HYDIN: variants seen among roughly 807,000 people sequenced by gnomAD.
HYDIN encodes HYDIN axonemal central pair apparatus protein, also known as axonemal central pair apparatus protein HYDIN.
Under a neutral mutation model 403.9 loss-of-function variants are expected in HYDIN, and 132 were observed. That is an observed-to-expected ratio of 0.33 (90% CI 0.28 to 0.38). The LOEUF is 0.38. Among genes scored for constraint, HYDIN ranks in the 10% least tolerant of loss-of-function variants. HYDIN has a pLI of 1.00. For synonymous variants in HYDIN, 1,202 were observed against 1,891.7 expected, an observed-to-expected ratio of 0.64 and a Z score of 9.46; for missense variants, 2,827 against 5,009.5, an observed-to-expected ratio of 0.56 and a Z score of 13.15.
At chr16:70,812,496 A>C (rs1597015094) in intron 84 of HYDIN, among the ~76,000 whole-genome samples, 1 of 151,998 alleles carries the variant, frequency 6.6e-6, no homozygotes, top group South Asian at 2.1e-4. Context: ...ACAAACAAAC[A>C]AACCCGAAAT....
chr16:71,180,001 A>T (rs1390070262), intron 3 of HYDIN, among the ~76,000 whole-genome samples: 3 of 152,246 alleles, frequency 2.0e-5, no homozygotes, highest in Non-Finnish European at 4.4e-5. Context: ...AAATAAATCC[A>T]AATAAAGAAA....
rs1007657179 is a variant in HYDIN, at chr16:71,066,636, C to T, written c.2075+654G>A. 18 of 277,728 alleles carry T rather than the reference C, an allele frequency of 6.5e-5. 1 individual carries two copies. In the East Asian group the frequency reaches 6.6e-4, roughly 10 times the overall value. 17.2% of individuals were successfully genotyped at this position (277,728 alleles called of 1,614,324 possible). ...TATTTGGGATCACATCATCATTAGT[C>T]GATGACACCACCACCCTCATCAGCA... On this transcript the variant is annotated intron_variant, in intron 15 of 85. Coordinates refer to ENST00000393567, the MANE Select transcript of HYDIN (RefSeq NM_001270974.2).
intron 42 of HYDIN, among the ~76,000 whole-genome samples, 160 bp downstream of exon 42, chr16:70,943,652 G>A (rs1597380056): frequency 6.6e-6 from 1 of 152,182 alleles, no homozygotes; most frequent in East Asian, 1.9e-4. Context: ...CCGGGCCAGG[G>A]TCAGGGGTCG....
intron 18 of HYDIN, among the ~76,000 whole-genome samples, chr16:71,056,127 G>GTT (rs57845299): frequency 0.25 from 26,852 of 106,050 alleles, 4,293 homozygotes; most frequent in Non-Finnish European, 0.37. Flanking sequence ...TCTGAGATTT[G>GTT]TTTTTTTTTT....
rs1161156870 is a variant in HYDIN, at chr16:70,862,195, C to T, written c.11630G>A (p.Ser3877Asn). The change falls in exon 69 of 86, where the codon AGC (serine) becomes AAC (asparagine). Residue 3877 changes from serine (S) to asparagine (N), a missense_variant. Physicochemically the swap from Ser to Asn is conservative, Grantham distance 46 (BLOSUM62 1). Transcript: ENST00000393567. ...ACCCTCGGCCCAGTGGTCCATGGTGCTGTCCAGGGTGCTGCCTGTATGCAT... is the reference window on the plus strand; with the variant it reads ...ACCCTCGGCCCAGTGGTCCATGGTGTTGTCCAGGGTGCTGCCTGTATGCAT... ...GTMHTGSTLDSTMDHWAEGSP... is the reference protein window; with the variant it reads ...GTMHTGSTLDNTMDHWAEGSP... 1.2e-6 allele frequency: 2 copies of T among 1,613,764 alleles called. No individual in the cohort carries two copies. The highest frequency in any genetic ancestry group is 2.2e-5 in the South Asian group (2 of 90,944).
chr16:70,845,622 G>A (rs2038146482), intron 75 of HYDIN, among the ~76,000 whole-genome samples: 2 of 127,586 alleles, frequency 1.6e-5, no homozygotes, highest in Non-Finnish European at 3.1e-5. Context: ...AATGGTACCA[G>A]TTCCTCCTTG....
chr16:71,065,365 C>T (rs557401290), intron 15 of HYDIN, among the ~76,000 whole-genome samples: 4 of 131,386 alleles, frequency 3.0e-5, no homozygotes, highest in African/African-American at 1.1e-4. Context: ...GGCACTGTGA[C>T]GGGGTTGTCA....
chr16:71,171,223 G>A (rs902273416), intron 5 of HYDIN, among the ~76,000 whole-genome samples: 2 of 152,154 alleles, frequency 1.3e-5, no homozygotes, highest in African/African-American at 4.8e-5. Flanking sequence ...CCTTCCCTCA[G>A]ATATTTGCAC....
intron 29 of HYDIN, 115 bp from the exon 30 acceptor site, chr16:70,979,156 T>A (rs1597459554): frequency 4.2e-6 from 5 of 1,182,270 alleles, no homozygotes; most frequent in South Asian, 1.5e-5. Context: ...GGAAGGGAAG[T>A]GGACTTTTGG....
chr16:71,110,284 AAT>A (rs1299301288), intron 10 of HYDIN, among the ~76,000 whole-genome samples: 1 of 144,816 alleles, frequency 6.9e-6, no homozygotes, highest in Non-Finnish European at 1.5e-5. Flanking sequence ...CATAATATAT[AAT>A]AGATATAATA....
intron 14 of HYDIN, among the ~76,000 whole-genome samples, chr16:71,067,796 T>C (rs573599708): frequency 6.6e-6 from 1 of 152,174 alleles, no homozygotes; most frequent in South Asian, 2.1e-4. Context: ...ACAAGTTCTC[T>C]TACAGTAAAA....
Position 71,146,196 on chromosome 16 carries a change from A to T in HYDIN, c.841+6463T>A, listed in dbSNP as rs528259491. Among the ~76,000 whole-genome samples, 44 of 152,098 alleles carry T rather than the reference A, an allele frequency of 2.9e-4. 1 individual carries two copies. The highest frequency in any genetic ancestry group is 5.2e-4 in the Admixed American group (8 of 15,258). On this transcript the variant is annotated intron_variant, in intron 7 of 85. Coordinates refer to ENST00000393567, the MANE Select transcript of HYDIN (RefSeq NM_001270974.2). ...ACCAACAATTATTTTAACAAGAGTA[A>T]AAGGGTTGACTATGCTTCATTCTTT... is the stretch of plus-strand genomic sequence containing the variant.
At chr16:71,132,648 T>C (rs2144521171) in intron 8 of HYDIN, 1 of 133,480 alleles carries the variant, frequency 7.5e-6, no homozygotes, top group East Asian at 2.3e-4. Flanking sequence ...GACTGAGGAG[T>C]ATGAGAAATG....
At chr16:71,122,793 T>C (rs2084309745) in intron 9 of HYDIN, among the ~76,000 whole-genome samples, 1 of 152,050 alleles carries the variant, frequency 6.6e-6, no homozygotes, top group Non-Finnish European at 1.5e-5. Flanking sequence ...TCTCTCTTTT[T>C]AAGGCTTAGT....
intron 1 of HYDIN, among the ~76,000 whole-genome samples, chr16:71,196,395 T>G (rs191173613): frequency 6.6e-6 from 1 of 152,252 alleles, no homozygotes; most frequent in East Asian, 1.9e-4. Context: ...GGATTTACCC[T>G]CCCTGCCTGA....
At chr16:70,853,125 G>C (rs2038777125) in intron 73 of HYDIN, among the ~76,000 whole-genome samples, 1 of 152,050 alleles carries the variant, frequency 6.6e-6, no homozygotes, top group Non-Finnish European at 1.5e-5. Flanking sequence ...GGGTTGCAGT[G>C]AGCCAAGATC....
chr16:71,137,863 A>G (rs1271297615), intron 7 of HYDIN, among the ~76,000 whole-genome samples: 3 of 152,018 alleles, frequency 2.0e-5, no homozygotes, highest in Non-Finnish European at 2.9e-5. Context: ...TACTTAAAAG[A>G]AACCACATCC....
At chr16:71,069,604 G>A (rs1262906408) in intron 13 of HYDIN, 102 bp from the exon 14 acceptor site, 1 of 657,522 alleles carries the variant, frequency 1.5e-6, no homozygotes, top group African/African-American at 1.8e-5. Flanking sequence ...TGAACTGTCT[G>A]TGCTATTCAT....
intron 45 of HYDIN, among the ~76,000 whole-genome samples, chr16:70,925,806 G>C (rs1216234810): frequency 6.6e-6 from 1 of 152,156 alleles, no homozygotes; most frequent in Admixed American, 6.5e-5. Context: ...CGAAGGACAT[G>C]AATAGACACT....
Sources: gnomAD v4.1 joint callset for allele counts (sites outside exome capture counted in the v4.1 genomes callset) on GRCh38, gnomAD v4.1.1 for gene constraint, MANE v1.5 for transcripts, NCBI Gene and HGNC (gene_info 2026-07-23, HGNC 2026-07-21) for gene names.